The following PDE4D variants were observed in gnomAD, a reference collection of about 807,000 sequenced individuals.
PDE4D encodes 3',5'-cyclic-AMP phosphodiesterase 4D.
In PDE4D, 24 loss-of-function variants were observed where a neutral mutation model predicts 87.4. The observed-to-expected ratio is 0.27, with a 90% CI of 0.20 to 0.39. The LOEUF is 0.39. PDE4D is among the 10% of genes least tolerant of loss of function. PDE4D has a pLI of 1.00. For missense variants in PDE4D, 714 were observed against 1,041.0 expected, an observed-to-expected ratio of 0.69 and a Z score of 4.32; for synonymous variants, 384 against 383.2, an observed-to-expected ratio of 1.00 and a Z score of -0.02.
At chr5:59,585,318 G>T (rs561952228) in intron 1 of PDE4D, among the ~76,000 whole-genome samples, 89 of 152,094 alleles carry the variant, frequency 5.9e-4, no homozygotes, top group Non-Finnish European at 1.1e-3. Flanking sequence ...AGCTCTCAGG[G>T]AGCTTTCATT....
At chr5:59,177,982 A>G (rs922437) in intron 5 of PDE4D, among the ~76,000 whole-genome samples, 137,732 of 152,030 alleles carry the variant, frequency 0.91, 62,788 homozygotes, top group African/African-American at 0.96. Flanking sequence ...CTACTGCCAC[A>G]GTACAGCCAG....
At chr5:59,533,441 T>C (rs1245651028) in intron 1 of PDE4D, among the ~76,000 whole-genome samples, 2 of 152,152 alleles carry the variant, frequency 1.3e-5, no homozygotes, top group South Asian at 2.1e-4. Context: ...AGGATTGATG[T>C]AATTAAAACA....
chr5:59,995,594 C>T (rs1254509581), intron 2 of PDE4D, among the ~76,000 whole-genome samples: 1 of 152,194 alleles, frequency 6.6e-6, no homozygotes, highest in East Asian at 1.9e-4. Context: ...GCTGGGATTA[C>T]AGGTGTGAGC....
At chr5:59,390,355 T>C (rs888808319) in intron 1 of PDE4D, among the ~76,000 whole-genome samples, 1 of 152,172 alleles carries the variant, frequency 6.6e-6, no homozygotes, top group Non-Finnish European at 1.5e-5. Context: ...TAAATTATTC[T>C]TCACTACTGT....
In PDE4D at chr5:60,275,954, T is replaced by G. The variant is rs530321942; in HGVS notation, c.-89-90267A>C. On this transcript the variant is annotated intron_variant, in intron 1 of 16. Transcript: ENST00000502484. ...TACAGATTTTTCTATTATCTTTCTC[T>G]TATTGATTTCTGGTTTGATTCCACT... Among the ~76,000 whole-genome samples, 5 of 152,308 alleles carry G rather than the reference T, an allele frequency of 3.3e-5. No individual in the cohort carries two copies. The South Asian group carries it at 8.3e-4, about 25-fold the overall frequency.
intron 1 of PDE4D, among the ~76,000 whole-genome samples, chr5:59,803,616 C>A (rs773311544): frequency 6.6e-6 from 1 of 152,176 alleles, no homozygotes; most frequent in Non-Finnish European, 1.5e-5. Context: ...TGAGTTCTTA[C>A]AACCACTTCA....
In PDE4D at chr5:59,067,612, T is replaced by C. The variant is rs955186667; in HGVS notation, c.809-28641A>G. Among the ~76,000 whole-genome samples the C allele has an allele frequency of 6.6e-5, 10 of 152,064 alleles. 1 individual carries two copies. The highest frequency in any genetic ancestry group is 6.2e-4 in the South Asian group (3 of 4,824). ...ACCAAACAGATCGGATTCATATGGG[T>C]TTGCCAAATGACAAATTTTTTTCCA... is the stretch of plus-strand genomic sequence containing the variant. On this transcript the variant is annotated intron_variant, in intron 5 of 14. Coordinates refer to ENST00000340635, the MANE Select transcript of PDE4D (RefSeq NM_001104631.2).
At chr5:60,030,076 A>C (rs1055770190) in intron 2 of PDE4D, among the ~76,000 whole-genome samples, 1 of 152,240 alleles carries the variant, frequency 6.6e-6, no homozygotes, top group African/African-American at 2.4e-5. Flanking sequence ...TAAAGCAGCA[A>C]CTGGTTTAAT....
chr5:60,005,315 G>C (rs889314799), intron 2 of PDE4D, among the ~76,000 whole-genome samples: 2 of 151,906 alleles, frequency 1.3e-5, no homozygotes, highest in African/African-American at 4.8e-5. Flanking sequence ...GTAGAAATGG[G>C]GTAATGTTGG....
At chr5:59,200,052 C>CATAT (rs1339382207) in intron 2 of PDE4D, among the ~76,000 whole-genome samples, 45 of 69,516 alleles carry the variant, frequency 6.5e-4, no homozygotes, top group African/African-American at 1.8e-3. Context: ...CGTATGTACA[C>CATAT]ACATGCATGT....
chr5:59,652,147 T>C (rs1215908231), intron 1 of PDE4D, among the ~76,000 whole-genome samples: 3 of 152,178 alleles, frequency 2.0e-5, no homozygotes, highest in Non-Finnish European at 4.4e-5. Context: ...CCTCCATAGG[T>C]GTTGGTCCCA....
chr5:60,399,378 T>C (rs976498608), intron 1 of PDE4D, among the ~76,000 whole-genome samples: 16 of 152,216 alleles, frequency 1.1e-4, no homozygotes, highest in South Asian at 2.1e-4. Context: ...TGCCTTTAGA[T>C]AAAATGAGTT....
At chr5:59,650,316 T>C (rs944383404) in intron 1 of PDE4D, among the ~76,000 whole-genome samples, 2 of 152,202 alleles carry the variant, frequency 1.3e-5, no homozygotes, top group Admixed American at 6.5e-5. Flanking sequence ...CTTTTAGTCA[T>C]AGAAAAGCCT....
chr5:59,353,712 C>G (rs1194264225), intron 1 of PDE4D, among the ~76,000 whole-genome samples: 2 of 151,972 alleles, frequency 1.3e-5, no homozygotes, highest in African/African-American at 4.8e-5. Flanking sequence ...CTTCCACGGC[C>G]CTGCTCCCCT....
intron 1 of PDE4D, among the ~76,000 whole-genome samples, chr5:60,208,237 T>A (rs971302479): frequency 1.7e-4 from 26 of 152,226 alleles, no homozygotes; most frequent in African/African-American, 5.8e-4. Flanking sequence ...GTATTAGCAG[T>A]AGGGATTGCA....
chr5:60,060,457 G>A (rs1471127989), intron 2 of PDE4D, among the ~76,000 whole-genome samples: 2 of 151,964 alleles, frequency 1.3e-5, no homozygotes, highest in East Asian at 3.9e-4. Flanking sequence ...CCAGTTCCAG[G>A]AATGCCTCTA....
At chr5:59,414,818 C>A (rs1282621470) in intron 1 of PDE4D, among the ~76,000 whole-genome samples, 2 of 152,070 alleles carry the variant, frequency 1.3e-5, no homozygotes, top group Admixed American at 6.5e-5. Flanking sequence ...GGGGCTATGG[C>A]AGAAGTCTGT....
intron 1 of PDE4D, among the ~76,000 whole-genome samples, chr5:60,384,578 A>C (rs984233054): frequency 6.6e-6 from 1 of 152,100 alleles, no homozygotes; most frequent in Non-Finnish European, 1.5e-5. Flanking sequence ...GGCTTCTACG[A>C]CATCACTCCC....
chr5:59,078,107 T>A (rs1766027685), intron 5 of PDE4D, among the ~76,000 whole-genome samples: 1 of 152,170 alleles, frequency 6.6e-6, no homozygotes, highest in Non-Finnish European at 1.5e-5. Context: ...TGTTTACAAC[T>A]AGTTCATTGA....
Sources: gnomAD v4.1 joint callset for allele counts (sites outside exome capture counted in the v4.1 genomes callset) on GRCh38, gnomAD v4.1.1 for gene constraint, MANE v1.5 for transcripts, NCBI Gene and HGNC (gene_info 2026-07-23, HGNC 2026-07-21) for gene names.